TCF7L2: variants seen among roughly 807,000 people sequenced by gnomAD.
TCF7L2 encodes the protein transcription factor 7 like 2.
A neutral mutation model predicts 77.9 loss-of-function variants in TCF7L2; 23 were observed. That is an observed-to-expected ratio of 0.30 (90% CI 0.21 to 0.42). TCF7L2 has a LOEUF of 0.42. TCF7L2 is among the 10% of genes least tolerant of loss of function. TCF7L2 has a pLI of 1.00. For missense variants in TCF7L2, 654 were observed against 793.1 expected (o/e 0.82, Z 2.11); for synonymous variants, 413 against 340.2 (o/e 1.21, Z -2.36).
rs572209723 is a variant in TCF7L2, at chr10:112,976,212, T to C, written c.450+11588T>C. ...GATACAGGGAAGCGTGCTTGATAAATGTAAGCTGCTATTTTTACCATTGAG... is the reference window on the plus strand; with the variant it reads ...GATACAGGGAAGCGTGCTTGATAAACGTAAGCTGCTATTTTTACCATTGAG... On this transcript the variant is annotated intron_variant, in intron 4 of 13. Coordinates refer to ENST00000627217, the MANE Select transcript of TCF7L2 (RefSeq NM_001146274.2). 2.6e-5 allele frequency among the ~76,000 whole-genome samples: 4 copies of C among 152,324 alleles called. No individual in the cohort carries two copies. In the South Asian group the frequency reaches 8.3e-4, roughly 32 times the overall value.
rs146861379 is a variant in TCF7L2, at chr10:113,022,590, C to T, written c.451-17435C>T. 5.9e-3 allele frequency among the ~76,000 whole-genome samples: 902 copies of T among 152,242 alleles called. 3 individuals are homozygous for T. Among genetic ancestry groups the T allele is most frequent in the South Asian group, 0.016 (79 of 4,814 alleles). Reference sequence around the variant, plus strand: ...TCCCCCTTAAGCGGTGGTTAATACGCGTATCTGCAGATTTACTTTTTGGAT... The same window carrying T: ...TCCCCCTTAAGCGGTGGTTAATACGTGTATCTGCAGATTTACTTTTTGGAT... On this transcript the variant is annotated intron_variant, in intron 4 of 13. Transcript: ENST00000627217.
chr10:112,975,154 T>G (rs2039151332), intron 4 of TCF7L2, among the ~76,000 whole-genome samples: 1 of 152,204 alleles, frequency 6.6e-6, no homozygotes, highest in South Asian at 2.1e-4. Flanking sequence ...AGTAGGTACG[T>G]GTACTATATT....
At position 113,152,329 on chromosome 10, in the gene TCF7L2, C is replaced by G. The variant is rs749648488; in HGVS notation, c.1162-4C>G. ...TTCTCATCTGTACCCCACGTCCCCT[C>G]CAGTGGCATGCACTGTCCAGAGAAG... On this transcript the variant is annotated splice_polypyrimidine_tract_variant and splice_region_variant and intron_variant, in intron 10 of 13. Coordinates refer to ENST00000627217, the MANE Select transcript of TCF7L2 (RefSeq NM_001146274.2). 6.2e-7 allele frequency: 1 copy of G among 1,612,812 alleles called. No individual in the cohort carries two copies.
rs368368045 is a variant in TCF7L2, at chr10:113,143,920, C to G, written c.686-3C>G. ...GTACCTAAAATGCTGCTTCTTCCCT[C>G]AGGAATCCCACGGCCTCCGCACCCT... On this transcript the variant is annotated splice_polypyrimidine_tract_variant and splice_region_variant and intron_variant, in intron 6 of 13. Coordinates refer to ENST00000627217, the MANE Select transcript of TCF7L2 (RefSeq NM_001146274.2). 1.9e-6 allele frequency: 3 copies of G among 1,612,194 alleles called. No homozygotes were observed. Among genetic ancestry groups the G allele is most frequent in the Non-Finnish European group, 1.7e-6 (2 of 1,178,686 alleles).
rs774274751 is a variant in TCF7L2 at position 113,051,240 on chromosome 10, CACAG to C, written c.552+11118_552+11121del. Among the ~76,000 whole-genome samples the C allele has an allele frequency of 2.2e-3, 267 of 121,974 alleles. 2 individuals carry two copies. The highest frequency in any genetic ancestry group is 5.6e-3 in the African/African-American group (210 of 37,338). 80.0% of individuals were successfully genotyped at this position (121,974 alleles called of 152,430 possible). The stretch of plus-strand genomic sequence containing the variant: ...ACACACACACACACACACACACACA[CACAG>C]ACACATACATATGCACACACCCCGA... On this transcript the variant is annotated intron_variant, in intron 5 of 13. Coordinates refer to ENST00000627217, the MANE Select transcript of TCF7L2 (RefSeq NM_001146274.2).
At chr10:113,058,512 C>T (rs989805297) in intron 5 of TCF7L2, among the ~76,000 whole-genome samples, 7 of 152,122 alleles carry the variant, frequency 4.6e-5, no homozygotes, top group Non-Finnish European at 8.8e-5. Context: ...GCAACATGGA[C>T]TCCACACTGT....
At chr10:113,092,991 A>G (rs1011513112) in intron 5 of TCF7L2, among the ~76,000 whole-genome samples, 2 of 152,176 alleles carry the variant, frequency 1.3e-5, no homozygotes, top group African/African-American at 4.8e-5. Context: ...GGTCGTCAGA[A>G]CTAAGTTTGA....
intron 5 of TCF7L2, among the ~76,000 whole-genome samples, chr10:113,136,124 C>T (rs2067352813): frequency 6.6e-6 from 1 of 152,152 alleles, no homozygotes; most frequent in Admixed American, 6.5e-5. Context: ...AATATCTTTA[C>T]CTACCGCGTG....
chr10:112,964,814 G>GTGGTGGTGGTGATGGTGGTGGTGGT (rs1400096451), intron 4 of TCF7L2, among the ~76,000 whole-genome samples, 190 bp downstream of exon 4: 3 of 116,110 alleles, frequency 2.6e-5, no homozygotes, highest in Non-Finnish European at 5.1e-5. Context: ...GGTGGTGGTG[G>GTGGTGGTGGTGATGGTGGTGGTGGT]GGGGGGGTTG....
At chr10:113,055,378 T>A (rs1353352684) in intron 5 of TCF7L2, among the ~76,000 whole-genome samples, 1 of 152,244 alleles carries the variant, frequency 6.6e-6, no homozygotes, top group Non-Finnish European at 1.5e-5. Flanking sequence ...AGGTTGAACA[T>A]CTGGTCATAT....
chr10:113,100,000 C>T (rs2061456511), intron 5 of TCF7L2, among the ~76,000 whole-genome samples: 2 of 152,180 alleles, frequency 1.3e-5, no homozygotes, highest in African/African-American at 2.4e-5. Context: ...GTCCCAAGTT[C>T]CCACTCCCTC....
intron 4 of TCF7L2, among the ~76,000 whole-genome samples, chr10:112,999,180 A>T (rs146366068): frequency 3.7e-4 from 56 of 152,152 alleles, no homozygotes; most frequent in African/African-American, 1.3e-3. Flanking sequence ...GGACTTTCCA[A>T]TCCATGAGAT....
At chr10:112,992,965 A>G (rs916531267) in intron 4 of TCF7L2, among the ~76,000 whole-genome samples, 2 of 151,830 alleles carry the variant, frequency 1.3e-5, no homozygotes, top group Non-Finnish European at 2.9e-5. Flanking sequence ...GGGTTTTACC[A>G]TCTTGGCCAG....
chr10:113,129,079 G>A (rs538102629), intron 5 of TCF7L2: 1 of 153,922 alleles, frequency 6.5e-6, no homozygotes, highest in Admixed American at 6.5e-5. Flanking sequence ...CTTCCAGGGA[G>A]GTCAGTTGAA....
chr10:112,964,720 G>A (rs2036116970), intron 4 of TCF7L2, 96 bp downstream of exon 4: 6 of 878,742 alleles, frequency 6.8e-6, no homozygotes, highest in South Asian at 1.4e-5. Flanking sequence ...AGATAATGAT[G>A]ATGATGATGA....
intron 3 of TCF7L2, among the ~76,000 whole-genome samples, chr10:112,952,438 G>T (rs893754721): frequency 6.6e-6 from 1 of 152,250 alleles, no homozygotes; most frequent in East Asian, 1.9e-4. Flanking sequence ...GGCCGCGCAG[G>T]GCAGCAGGGC....
At chr10:113,069,027 C>T (rs1251893945) in intron 5 of TCF7L2, among the ~76,000 whole-genome samples, 1 of 151,572 alleles carries the variant, frequency 6.6e-6, no homozygotes, top group Non-Finnish European at 1.5e-5. Context: ...TCATCCTTGA[C>T]ATGGGTGTCC....
At chr10:113,032,185 G>A (rs968527673) in intron 4 of TCF7L2, among the ~76,000 whole-genome samples, 4 of 152,188 alleles carry the variant, frequency 2.6e-5, no homozygotes, top group Non-Finnish European at 5.9e-5. Context: ...TCAGCCTAAG[G>A]GGCCCATTGG....
intron 4 of TCF7L2, among the ~76,000 whole-genome samples, chr10:113,019,321 A>G (rs772820319): frequency 6.6e-5 from 10 of 152,108 alleles, no homozygotes; most frequent in Non-Finnish European, 1.5e-4. Context: ...TTGACACAGT[A>G]ATAAAGGCAG....
Sources: allele counts gnomAD v4.1 joint callset (sites outside exome capture counted in the v4.1 genomes callset), GRCh38; gene constraint gnomAD v4.1.1; transcripts MANE v1.5; gene names NCBI Gene and HGNC (gene_info 2026-07-23, HGNC 2026-07-21).